Variants in KIF26B observed in about 807,000 individuals in gnomAD.
The protein encoded by KIF26B is kinesin-like protein KIF26B.
KIF26B carries 63 observed loss-of-function variants against 151.2 expected under a neutral mutation model. The observed-to-expected ratio is 0.42, with a 90% CI of 0.34 to 0.51. KIF26B has a LOEUF of 0.51. KIF26B is among the 20% of genes least tolerant of loss of function. The pLI is 0.07. For synonymous variants in KIF26B, 1,357 were observed against 1,262.1 expected, an observed-to-expected ratio of 1.08 and a Z score of -1.59; for missense variants, 2,813 against 2,913.6, an observed-to-expected ratio of 0.97 and a Z score of 0.79.
chr1:245,687,827 A>G lies in KIF26B; in HGVS notation c.4844A>G (p.Gln1615Arg), dbSNP rs576828094. 30 of 1,596,908 alleles carry G rather than the reference A, an allele frequency of 1.9e-5. No individual in the cohort carries two copies. In the Admixed American group the frequency reaches 3.3e-4, roughly 17 times the overall value. Residue 1615 changes from glutamine (Q) to arginine (R), a missense_variant, in exon 12 of 15, where the codon CAG becomes CGG. By Grantham distance (43) the Gln-to-Arg change is conservative. Coordinates refer to ENST00000407071, the MANE Select transcript of KIF26B (RefSeq NM_018012.4). This position sits in a 1 kb window ranked among gnomAD's most constrained non-coding sequence, Gnocchi z 4.9. The part of the protein sequence containing the change: ...SLDQKNRASP[Q>R]HSASGSGTSS... ...GACCAGAAGAACCGGGCCAGCCCTC[A>G]GCACAGTGCCAGCGGCAGCGGCACC... is the stretch of plus-strand genomic sequence containing the variant.
chr1:245,682,049 A>C (rs4658794), intron 10 of KIF26B, among the ~76,000 whole-genome samples: 103,163 of 152,024 alleles, frequency 0.68, 35,397 homozygotes, highest in Middle Eastern at 0.74. Flanking sequence ...TTGAGACTAG[A>C]CTGGCCAACA....
At chr1:245,347,482 G>A (rs1484300470) in intron 2 of KIF26B, among the ~76,000 whole-genome samples, 3 of 151,862 alleles carry the variant, frequency 2.0e-5, no homozygotes, top group Admixed American at 6.6e-5. Context: ...TACCATACCC[G>A]GCTAATTTTT....
At chr1:245,210,883 C>A (rs886389729) in intron 2 of KIF26B, among the ~76,000 whole-genome samples, 1 of 152,150 alleles carries the variant, frequency 6.6e-6, no homozygotes, top group Admixed American at 6.5e-5. Flanking sequence ...ACATAGGAAG[C>A]CCTTTCAGAA....
intron 10 of KIF26B, among the ~76,000 whole-genome samples, chr1:245,648,780 C>G (rs1042035341): frequency 6.6e-6 from 1 of 152,216 alleles, no homozygotes; most frequent in East Asian, 1.9e-4. Context: ...AGCTGCCTGC[C>G]TTCATTCCAG....
intron 5 of KIF26B, among the ~76,000 whole-genome samples, chr1:245,567,409 A>G (rs2043020356): frequency 6.6e-6 from 1 of 152,028 alleles, no homozygotes; most frequent in South Asian, 2.1e-4. Flanking sequence ...ACCTTCCCAA[A>G]CAGTGGGCAA....
intron 5 of KIF26B, among the ~76,000 whole-genome samples, chr1:245,547,133 C>T (rs1433151257): frequency 6.6e-6 from 1 of 152,244 alleles, no homozygotes; most frequent in Non-Finnish European, 1.5e-5. Context: ...CATGCTATTT[C>T]TGGGGCAAAC....
intron 4 of KIF26B, among the ~76,000 whole-genome samples, chr1:245,481,567 G>C (rs1391992151): frequency 6.6e-6 from 1 of 151,870 alleles, no homozygotes; most frequent in Non-Finnish European, 1.5e-5. Context: ...GCTTATTCCT[G>C]TTCCCACATC....
intron 4 of KIF26B, among the ~76,000 whole-genome samples, chr1:245,522,696 C>T (rs1348122672): frequency 2.0e-5 from 3 of 152,190 alleles, no homozygotes; most frequent in African/African-American, 7.2e-5. Context: ...GAGACCCTCC[C>T]AGCCAACTGC....
Position 245,597,218 on chromosome 1 carries a change from T to C in KIF26B, c.1351-5359T>C, listed in dbSNP as rs1055620895. Among the ~76,000 whole-genome samples the C allele has an allele frequency of 5.3e-5, 8 of 152,246 alleles. No individual in the cohort carries two copies. The highest frequency in any genetic ancestry group is 1.2e-4 in the Non-Finnish European group (8 of 68,044). On this transcript the variant is annotated intron_variant, in intron 5 of 14. Coordinates refer to ENST00000407071, the MANE Select transcript of KIF26B (RefSeq NM_018012.4). The surrounding 1 kb of genome is among the most constrained non-coding windows in gnomAD (Gnocchi z 4.6). Reference sequence around the variant, plus strand: ...CCCATTAGTCGATGCAGTTTTTTCATAGCATGAATGGTCTTTACAATTTGG... The same window carrying C: ...CCCATTAGTCGATGCAGTTTTTTCACAGCATGAATGGTCTTTACAATTTGG...
chr1:245,158,724 C>T (rs1216609309), intron 2 of KIF26B, among the ~76,000 whole-genome samples: 1 of 152,114 alleles, frequency 6.6e-6, no homozygotes, highest in Non-Finnish European at 1.5e-5. Flanking sequence ...GGTGCAAGGG[C>T]ATAGACAGGG....
At chr1:245,370,671 G>C (rs1385724914) in intron 3 of KIF26B, 3 of 454,772 alleles carry the variant, frequency 6.6e-6, no homozygotes, top group Admixed American at 2.4e-5. Flanking sequence ...CATGAAACTG[G>C]TGCTTTCCTG....
At chr1:245,384,469 C>G (rs574536001) in intron 3 of KIF26B, among the ~76,000 whole-genome samples, 1 of 152,284 alleles carries the variant, frequency 6.6e-6, no homozygotes, top group South Asian at 2.1e-4. Flanking sequence ...TGTTGCCCAG[C>G]TGGATACTGT....
intron 5 of KIF26B, among the ~76,000 whole-genome samples, chr1:245,600,955 A>C (rs1467986068): frequency 6.6e-6 from 1 of 152,152 alleles, no homozygotes. Flanking sequence ...TCTTCCACCC[A>C]CAGGTTCAGT....
At chr1:245,660,136 T>G (rs1239079343) in intron 10 of KIF26B, among the ~76,000 whole-genome samples, 1 of 151,668 alleles carries the variant, frequency 6.6e-6, no homozygotes, top group Admixed American at 6.6e-5. Flanking sequence ...GATTCCTATT[T>G]ATGACTACAA....
chr1:245,395,030 A>G (rs1456909695), intron 3 of KIF26B, among the ~76,000 whole-genome samples: 2 of 152,128 alleles, frequency 1.3e-5, no homozygotes, highest in African/African-American at 2.4e-5. Flanking sequence ...CTGAGTTAGA[A>G]GCATTTATTC....
rs1440692723 is a variant in KIF26B at position 245,606,640 on chromosome 1, T to C, written c.1558-1011T>C. On this transcript the variant is annotated intron_variant, in intron 6 of 14. Transcript: ENST00000407071. The surrounding 1 kb of genome is among the most constrained non-coding windows in gnomAD (Gnocchi z 4.6). ...TCGAGAGCCTGGTCCCTGTCTAGGA[T>C]TTAATAATCAAATTGGAGACCAGAC... Among the ~76,000 whole-genome samples, 2 of 152,118 alleles carry C rather than the reference T, an allele frequency of 1.3e-5. No homozygotes were observed. Among genetic ancestry groups the C allele is most frequent in the African/African-American group, 2.4e-5 (1 of 41,432 alleles).
In KIF26B at chr1:245,688,109, G is replaced by T; in HGVS notation, c.5126G>T (p.Ser1709Ile). 1 of 1,559,518 alleles carries T rather than the reference G, an allele frequency of 6.4e-7. No homozygotes were observed. ...GGCACCATGCCCCGCGCGGGGAGGA[G>T]CCTGGGCCGCAGCGCCGGGACCTCG... ...KDGTMPRAGRSLGRSAGTSPP... is the reference protein window; with the variant it reads ...KDGTMPRAGRILGRSAGTSPP... The change falls in exon 12 of 15, where the codon AGC becomes ATC. Residue 1709 changes from serine (S) to isoleucine (I), a missense_variant. Coordinates refer to ENST00000407071, the MANE Select transcript of KIF26B (RefSeq NM_018012.4).
At chr1:245,382,142 C>T (rs949877673) in intron 3 of KIF26B, among the ~76,000 whole-genome samples, 40 of 152,204 alleles carry the variant, frequency 2.6e-4, no homozygotes, top group African/African-American at 9.2e-4. Context: ...GGGGAGCCAC[C>T]ATACTGTTTT....
At chr1:245,550,557 G>T (rs866974898) in intron 5 of KIF26B, among the ~76,000 whole-genome samples, 2 of 152,214 alleles carry the variant, frequency 1.3e-5, no homozygotes, top group Non-Finnish European at 2.9e-5. Context: ...AAAACCCACC[G>T]GCGCAGTGGT....
Sources: allele counts gnomAD v4.1 joint callset (sites outside exome capture counted in the v4.1 genomes callset), GRCh38; gene constraint gnomAD v4.1.1; non-coding constraint Gnocchi (gnomAD v3.1); transcripts MANE v1.5; gene names NCBI Gene and HGNC (gene_info 2026-07-23, HGNC 2026-07-21).